The following SPTBN5 variants were observed in gnomAD, a reference collection of about 807,000 sequenced individuals.
SPTBN5 encodes the protein spectrin beta chain, non-erythrocytic 5.
SPTBN5 carries 513 observed loss-of-function variants against 477.6 expected under a neutral mutation model. That is an observed-to-expected ratio of 1.07 (90% CI 1.00 to 1.16). SPTBN5 has a LOEUF of 1.16. Among genes scored for constraint, SPTBN5 ranks in the 50% most tolerant of loss-of-function variants. SPTBN5 has a pLI of 0.00. For synonymous variants in SPTBN5, 2,169 were observed against 2,011.7 expected (o/e 1.08, Z -2.09); for missense variants, 5,062 against 4,731.8 (o/e 1.07, Z -2.05).
rs538354437 is a variant in SPTBN5, at chr15:41,881,656, G to T, written c.2457+280C>A. On this transcript the variant is annotated intron_variant, in intron 12 of 67. Coordinates refer to ENST00000320955, the MANE Select transcript of SPTBN5 (RefSeq NM_016642.4). ...GGTGAAAGTGGAGGGGACCTTCCTGGAGGAAAGTGCTTAACGGTCTGAAAC... is the reference window on the plus strand; with the variant it reads ...GGTGAAAGTGGAGGGGACCTTCCTGTAGGAAAGTGCTTAACGGTCTGAAAC... 1.7e-4 allele frequency among the ~76,000 whole-genome samples: 26 copies of T among 152,308 alleles called. No individual in the cohort carries two copies. In the East Asian group the frequency reaches 4.6e-3, roughly 27 times the overall value.
At position 41,866,057 on chromosome 15, in the gene SPTBN5, T is replaced by C. The variant is rs1287001220; in HGVS notation, c.6803A>G (p.Glu2268Gly). ...CTACACCTTCTCCTGGATCCAGGCC[T>C]CTGCAAGGTCCACTCTCTGCAGGAA... ...LEFLQRVDLA[E>G]AWIQEKEVKM... The change falls in exon 38 of 68, where the codon GAG becomes GGG. Residue 2268 changes from glutamate (E) to glycine (G), a missense_variant. Coordinates refer to ENST00000320955, the MANE Select transcript of SPTBN5 (RefSeq NM_016642.4). The C allele has an allele frequency of 1.3e-6, 2 of 1,555,200 alleles. No individual in the cohort carries two copies. The highest frequency in any genetic ancestry group is 1.2e-5 in the South Asian group (1 of 84,266).
chr15:41,848,413 G>A lies in SPTBN5; in HGVS notation c.*203C>T. ...CTTCACCCAGACAGGAATGCAGGGG[G>A]AGGCCAGGCAATGGCTGTTTCCTGC... is the stretch of plus-strand genomic sequence containing the variant. On this transcript the variant is annotated 3_prime_UTR_variant, in exon 68 of 68. Transcript: ENST00000320955. 2 of 646,508 alleles carry A rather than the reference G, an allele frequency of 3.1e-6. No homozygotes were observed. 40.0% of individuals were successfully genotyped at this position (646,508 alleles called of 1,614,324 possible).
At position 41,852,769 on chromosome 15, in the gene SPTBN5, TGG is replaced by T. The variant is rs370153269; in HGVS notation, c.10348-36_10348-35del. The T allele has an allele frequency of 1.1e-4, 138 of 1,275,846 alleles. 1 individual carries two copies. The African/African-American group carries it at 1.6e-3, about 14-fold the overall frequency. 79.0% of individuals were successfully genotyped at this position (1,275,846 alleles called of 1,614,324 possible). A position where few individuals can be genotyped will look rare whatever the true frequency, so the allele number is the denominator to read the frequency against. Reference sequence around the variant, plus strand: ...AAGCATGTTCAGGTGACGCCCAGCTTGGGGGGGGGGGCCCAGAGCCTGGTAGC... The same window carrying T: ...AAGCATGTTCAGGTGACGCCCAGCTTGGGGGGGGGCCCAGAGCCTGGTAGC... On this transcript the variant is annotated intron_variant, in intron 60 of 67. Coordinates refer to ENST00000320955, the MANE Select transcript of SPTBN5 (RefSeq NM_016642.4).
rs576628542 is a variant in SPTBN5 at position 41,858,595 on chromosome 15, G to T, written c.8226+7C>A. ...GTCCCACCACCCTCCTGCCTGCAGG[G>T]CCTCACCCGCTGCAGCTCCTGCTGT... On this transcript the variant is annotated splice_region_variant and intron_variant, in intron 49 of 67. Coordinates refer to ENST00000320955, the MANE Select transcript of SPTBN5 (RefSeq NM_016642.4). 1.2e-6 allele frequency: 2 copies of T among 1,608,326 alleles called. No individual in the cohort carries two copies. The highest frequency in any genetic ancestry group is 1.7e-6 in the Non-Finnish European group (2 of 1,178,784).
chr15:41,853,363 C>G lies in SPTBN5; in HGVS notation c.10065G>C (p.Gln3355His). The G allele has an allele frequency of 6.2e-7, 1 of 1,612,518 alleles. No homozygotes were observed. The highest frequency in any genetic ancestry group is 8.5e-7 in the Non-Finnish European group (1 of 1,179,456). Residue 3355 changes from glutamine to histidine, a missense_variant, in exon 59 of 68, where the codon CAG becomes CAC. Transcript: ENST00000320955. The part of the protein sequence containing the change: ...DVAGAEQLLG[Q>H]HEELGQEIRE... ...TGATTTCTTGCCCCAGCTCTTCATG[C>G]TGCCCAAGGAGCTGCTCAGCCCCCG...
rs1299803037 is a variant in SPTBN5, at chr15:41,856,835, C to T, written c.8808+18G>A. ...CCTGCTCATGTGCGAGGCCAGCCCT[C>T]CCCGGGTGGGCCCACACCTGGTGCT... On this transcript the variant is annotated intron_variant, in intron 52 of 67. Coordinates refer to ENST00000320955, the MANE Select transcript of SPTBN5 (RefSeq NM_016642.4). The T allele has an allele frequency of 4.6e-6, 7 of 1,534,740 alleles. No individual in the cohort carries two copies. In the Admixed American group the frequency reaches 6.0e-5, roughly 13 times the overall value.
chr15:41,853,083 A>C, intron 59 of SPTBN5, 83 bp from the exon 60 acceptor site: 1 of 1,443,478 alleles, frequency 6.9e-7, no homozygotes, highest in Non-Finnish European at 9.2e-7. Context: ...CCAAGTGTTA[A>C]TGGAAGTGCA....
chr15:41,862,262 A>G lies in SPTBN5; in HGVS notation c.7416T>C (p.Ala2472=). ...CCTGCAGCATTGCCTGGAGTTTCTG[A>G]GCTTGGTGCAAGGCATCCAGCGCCT... ...RREALDALHQ[A]QKLQAMLQEL... The change falls in exon 44 of 68, where the codon GCT becomes GCC. Residue 2472 remains alanine, a synonymous_variant. Transcript: ENST00000320955. 1 of 1,609,292 alleles carries G rather than the reference A, an allele frequency of 6.2e-7. No homozygotes were observed. The highest frequency in any genetic ancestry group is 8.5e-7 in the Non-Finnish European group (1 of 1,177,914).
At chr15:41,878,691 T>C (rs1365881701) in intron 16 of SPTBN5, 62 bp from the exon 17 acceptor site, 8 of 1,517,984 alleles carry the variant, frequency 5.3e-6, no homozygotes, top group Non-Finnish European at 7.1e-6. Flanking sequence ...CCCAGGCACA[T>C]GTCCTCTCTC....
chr15:41,871,609 G>A, intron 28 of SPTBN5, 89 bp from the exon 29 acceptor site: 1 of 1,415,266 alleles, frequency 7.1e-7, no homozygotes, highest in Non-Finnish European at 9.3e-7. Context: ...TGCCCAACTG[G>A]GTGATGTGGG....
Position 41,880,296 on chromosome 15 carries a change from A to C in SPTBN5, c.2675T>G (p.Leu892Trp), listed in dbSNP as rs1595500296. 4 of 1,605,120 alleles carry C rather than the reference A, an allele frequency of 2.5e-6. No individual in the cohort carries two copies. Among genetic ancestry groups the C allele is most frequent in the Non-Finnish European group, 2.5e-6 (3 of 1,176,700 alleles). The change falls in exon 14 of 68, where the codon TTG becomes TGG. Residue 892 changes from leucine to tryptophan, a missense_variant. Leu to Trp is a moderately conservative substitution (Grantham distance 61). Coordinates refer to ENST00000320955, the MANE Select transcript of SPTBN5 (RefSeq NM_016642.4). The part of the protein sequence containing the change: ...RALAQLRRAR[L>W]EEAMALFGFC... ...ACCGAACAGGGCCATGGCCTCCTCCAACCGGGCCCTGCGGAGCTGGGGAGA... is the reference window on the plus strand; with the variant it reads ...ACCGAACAGGGCCATGGCCTCCTCCCACCGGGCCCTGCGGAGCTGGGGAGA...
intron 43 of SPTBN5, 24 bp from the exon 44 acceptor site, chr15:41,862,316 G>C: frequency 1.3e-6 from 2 of 1,571,266 alleles, no homozygotes; most frequent in Non-Finnish European, 1.7e-6. Context: ...TCATCAGCTA[G>C]TCGTCAGGCC....
chr15:41,856,508 C>A lies in SPTBN5; in HGVS notation c.8899G>T (p.Ala2967Ser). 1 of 1,599,594 alleles carries A rather than the reference C, an allele frequency of 6.3e-7. No individual in the cohort carries two copies. ...TGCACCCGGGCGGCCACCTCGTGGGCGGCAAAGTGCCCAGCCTGCACCAGC... is the reference window on the plus strand; with the variant it reads ...TGCACCCGGGCGGCCACCTCGTGGGAGGCAAAGTGCCCAGCCTGCACCAGC... ...YKLVQAGHFA[A>S]HEVAARVQQL... The change falls in exon 53 of 68, where the codon GCC becomes TCC. Residue 2967 changes from alanine (A) to serine (S), a missense_variant. Transcript: ENST00000320955.
At position 41,866,072 on chromosome 15, in the gene SPTBN5, C is replaced by T. The variant is rs939604225; in HGVS notation, c.6788G>A (p.Arg2263Lys). ...DRRNFLEFLQ[R>K]VDLAEAWIQE... Reference sequence around the variant, plus strand: ...GATCCAGGCCTCTGCAAGGTCCACTCTCTGCAGGAACTCCAGGAAGTTCCG... The same window carrying T: ...GATCCAGGCCTCTGCAAGGTCCACTTTCTGCAGGAACTCCAGGAAGTTCCG... Residue 2263 changes from arginine (R) to lysine (K), a missense_variant, in exon 38 of 68, where the codon AGA (arginine) becomes AAA (lysine). Physicochemically the swap from Arg to Lys is conservative, Grantham distance 26. Transcript: ENST00000320955. The T allele has an allele frequency of 6.4e-7, 1 of 1,556,644 alleles. No individual in the cohort carries two copies. The highest frequency in any genetic ancestry group is 2.4e-5 in the East Asian group (1 of 41,322).
chr15:41,848,836 C>G (rs1179575109), intron 67 of SPTBN5, among the ~76,000 whole-genome samples: 2 of 152,284 alleles, frequency 1.3e-5, no homozygotes, highest in Admixed American at 6.5e-5. Context: ...TTTCATAACC[C>G]AACTCTACGT....
In SPTBN5 at chr15:41,888,083, C is replaced by T. The variant is rs768585327; in HGVS notation, c.504G>A (p.Glu168=). The change falls in exon 5 of 68, where the codon GAG becomes GAA. Residue 168 remains glutamate, a splice_region_variant and synonymous_variant. Transcript: ENST00000320955. ...FQISHISLDK[E]EFGASAALLS... is the part of the protein sequence containing the mutation. The stretch of plus-strand genomic sequence containing the variant: ...GCAGGGCTGCGCTGGCCCCAAACTC[C>T]TCCTGGCGGGACAGGGCAGCAGGGT... The T allele has an allele frequency of 4.5e-6, 7 of 1,567,638 alleles. No individual in the cohort carries two copies. The African/African-American group carries it at 8.1e-5, about 18-fold the overall frequency.
At chr15:41,853,073 C>T in intron 59 of SPTBN5, 73 bp from the exon 60 acceptor site, 11 of 1,451,288 alleles carry the variant, frequency 7.6e-6, no homozygotes, top group Non-Finnish European at 1.0e-5. Context: ...GGCTGGAGAG[C>T]CAAGTGTTAA....
chr15:41,871,349 G>A (rs1308661667), intron 29 of SPTBN5, 26 bp downstream of exon 29: 5 of 1,391,252 alleles, frequency 3.6e-6, no homozygotes, highest in Admixed American at 3.2e-5. Flanking sequence ...CAAACCCCAT[G>A]CTGGCCTGGC....
rs2066205472 is a variant in SPTBN5 at position 41,863,838 on chromosome 15, G to A, written c.7035-20C>T. 1.9e-6 allele frequency: 3 copies of A among 1,613,310 alleles called. No homozygotes were observed. The highest frequency in any genetic ancestry group is 1.1e-5 in the South Asian group (1 of 91,056). ...GCCCACCTGGCCAAGGGGTGGTGGT[G>A]TCATGTGGAGCCTGAGGTGGCCTTC... On this transcript the variant is annotated intron_variant, in intron 40 of 67. Transcript: ENST00000320955.
Sources: gnomAD v4.1 joint callset for allele counts (sites outside exome capture counted in the v4.1 genomes callset) on GRCh38, gnomAD v4.1.1 for gene constraint, MANE v1.5 for transcripts, NCBI Gene and HGNC (gene_info 2026-07-23, HGNC 2026-07-21) for gene names.